Variants in FAM20B observed in about 807,000 individuals in gnomAD.
FAM20B encodes the protein FAM20B glycosaminoglycan xylosylkinase, also known as glycosaminoglycan xylosylkinase.
FAM20B carries 23 observed loss-of-function variants against 43.8 expected under a neutral mutation model. The ratio of observed to expected loss-of-function variants is 0.53; its 90% CI spans 0.38 to 0.74. The LOEUF (loss-of-function observed/expected upper bound fraction) is 0.74. Ranked by LOEUF, FAM20B falls within the 30% of genes least tolerant of loss-of-function variation. The pLI, the probability that FAM20B is intolerant of heterozygous loss-of-function variation, is 0.00. For synonymous variants in FAM20B, 178 were observed against 192.4 expected, an observed-to-expected ratio of 0.93 and a Z score of 0.62; for missense variants, 440 against 510.5, an observed-to-expected ratio of 0.86 and a Z score of 1.33.
chr1:179,060,611 T>C (rs1651422017), intron 4 of FAM20B, among the ~76,000 whole-genome samples: 1 of 152,082 alleles, frequency 6.6e-6, no homozygotes, highest in South Asian at 2.1e-4. Flanking sequence ...AGTTTCATCC[T>C]GAAACCATTC....
chr1:179,031,380 C>T (rs972003145), intron 1 of FAM20B, among the ~76,000 whole-genome samples: 5 of 152,130 alleles, frequency 3.3e-5, no homozygotes, highest in Admixed American at 6.5e-5. Flanking sequence ...GAACAGAACT[C>T]GCTAGCAGTA....
intron 1 of FAM20B, among the ~76,000 whole-genome samples, chr1:179,038,067 C>G (rs550655519): frequency 1.3e-5 from 2 of 151,840 alleles, no homozygotes; most frequent in Non-Finnish European, 1.5e-5. Flanking sequence ...TTATATAGCA[C>G]GAGGGGGAGG....
rs1328707678 is a variant in FAM20B at position 179,043,955 on chromosome 1, G to A, written c.108G>A (p.Glu36=). The change falls in exon 2 of 8, where the codon GAG becomes GAA. Residue 36 remains glutamate (E), a synonymous_variant. Coordinates refer to ENST00000263733, the MANE Select transcript of FAM20B (RefSeq NM_014864.4). ...TAGATACATCAGCTGCCAACCGGGA[G>A]GACCAGAGGGCCTTTCACCGAATGA... is the stretch of plus-strand genomic sequence containing the variant. The part of the protein sequence containing the change: ...DNLDTSAANR[E]DQRAFHRMMT... 1 of 1,614,128 alleles carries A rather than the reference G, an allele frequency of 6.2e-7. No individual in the cohort carries two copies.
In FAM20B at chr1:179,073,327, T is replaced by C. The variant is rs1338719170; in HGVS notation, c.*1183T>C. Reference sequence around the variant, plus strand: ...CTTCTTCTTTTTTTCTTTTTTCTTTTTTTTTTGAGACCAAGTCTCACTCTG... The same window carrying C: ...CTTCTTCTTTTTTTCTTTTTTCTTTCTTTTTTGAGACCAAGTCTCACTCTG... On this transcript the variant is annotated 3_prime_UTR_variant, in exon 8 of 8. Transcript: ENST00000263733. The C allele has an allele frequency of 6.6e-6, 1 of 152,258 alleles. No homozygotes were observed. Among genetic ancestry groups the C allele is most frequent in the Admixed American group, 6.5e-5 (1 of 15,278 alleles). The allele number at this position is 152,258 out of a possible 1,614,324, so 9.4% of individuals were successfully genotyped here.
chr1:179,030,301 G>A (rs935494155), intron 1 of FAM20B, among the ~76,000 whole-genome samples: 2 of 150,806 alleles, frequency 1.3e-5, no homozygotes, highest in African/African-American at 4.9e-5. Context: ...GTAGTTTTCT[G>A]TAAAAAAAAA....
intron 3 of FAM20B, among the ~76,000 whole-genome samples, chr1:179,050,731 G>A (rs373697668): frequency 6.6e-6 from 1 of 152,182 alleles, no homozygotes; most frequent in African/African-American, 2.4e-5. Flanking sequence ...AGTAAGTAAT[G>A]CTGACTTATT....
At chr1:179,033,834 A>T (rs4652347) in intron 1 of FAM20B, among the ~76,000 whole-genome samples, 2 of 151,946 alleles carry the variant, frequency 1.3e-5, no homozygotes, top group South Asian at 2.1e-4. Flanking sequence ...CTGGGACTAC[A>T]GGCATGTGCC....
intron 4 of FAM20B, among the ~76,000 whole-genome samples, chr1:179,063,249 C>T (rs1260969949): frequency 6.6e-6 from 1 of 151,924 alleles, no homozygotes; most frequent in Non-Finnish European, 1.5e-5. Context: ...TGCACTCTAG[C>T]CTGGGCGACA....
At chr1:179,023,358 A>C (rs548294044), upstream of FAM20B, among the ~76,000 whole-genome samples, 1 of 152,360 alleles carries the variant, frequency 6.6e-6, no homozygotes, top group East Asian at 1.9e-4. Context: ...GTATGTCTTT[A>C]AAAATCCTTG....
At chr1:179,064,778 C>T (rs764678429) in intron 6 of FAM20B, among the ~76,000 whole-genome samples, 8 of 152,150 alleles carry the variant, frequency 5.3e-5, no homozygotes, top group Admixed American at 6.5e-5. Context: ...CTACCTACAT[C>T]GTTCTTTCTT....
At chr1:179,066,421 G>A (rs1475481806) in intron 6 of FAM20B, among the ~76,000 whole-genome samples, 1 of 151,938 alleles carries the variant, frequency 6.6e-6, no homozygotes, top group Non-Finnish European at 1.5e-5. Context: ...TTGTTTGTGG[G>A]AATCTAATAT....
intron 4 of FAM20B, among the ~76,000 whole-genome samples, chr1:179,057,683 T>A (rs1476571371): frequency 6.6e-6 from 1 of 152,234 alleles, no homozygotes; most frequent in Non-Finnish European, 1.5e-5. Flanking sequence ...TTATAGTCTT[T>A]ATTTATTCAG....
intron 1 of FAM20B, among the ~76,000 whole-genome samples, chr1:179,036,814 G>C (rs543797753): frequency 2.0e-5 from 3 of 152,172 alleles, no homozygotes; most frequent in Admixed American, 6.5e-5. Flanking sequence ...CGAAAGGAGG[G>C]AGAAGTTACT....
At chr1:179,044,295 T>G (rs892581693) in intron 2 of FAM20B, 71 bp downstream of exon 2, 6 of 1,489,506 alleles carry the variant, frequency 4.0e-6, no homozygotes, top group Non-Finnish European at 4.5e-6. Flanking sequence ...ATATAAGATT[T>G]ATTTTGTCAT....
intron 1 of FAM20B, among the ~76,000 whole-genome samples, chr1:179,027,758 T>C (rs1204865467): frequency 6.6e-6 from 1 of 152,268 alleles, no homozygotes; most frequent in Non-Finnish European, 1.5e-5. Context: ...TGGTATGCTC[T>C]ATTCGTTTCT....
At chr1:179,021,192 T>C (rs896541366), upstream of FAM20B, among the ~76,000 whole-genome samples, 5 of 152,206 alleles carry the variant, frequency 3.3e-5, no homozygotes, top group Non-Finnish European at 7.3e-5. Context: ...TATCCATCGA[T>C]GGTAGAAGCT....
intron 3 of FAM20B, 36 bp from the exon 4 acceptor site, chr1:179,054,493 G>T: frequency 7.3e-7 from 1 of 1,360,708 alleles, no homozygotes; most frequent in Non-Finnish European, 1.0e-6. Flanking sequence ...CATCCCCTAA[G>T]ATTTTTCTCT....
At chr1:179,041,712 A>AGAGGGAGAG in intron 1 of FAM20B, among the ~76,000 whole-genome samples, 1 of 127,498 alleles carries the variant, frequency 7.8e-6, no homozygotes, top group African/African-American at 3.8e-5. Flanking sequence ...GGAGGGAGAC[A>AGAGGGAGAG]GGAGACGGGA....
At chr1:179,035,778 C>G (rs752503903) in intron 1 of FAM20B, 1 of 253,056 alleles carries the variant, frequency 4.0e-6, no homozygotes, top group Non-Finnish European at 7.7e-6. Flanking sequence ...TGCCCTTATA[C>G]AATATTTATC....
Sources: allele counts gnomAD v4.1 joint callset (sites outside exome capture counted in the v4.1 genomes callset), GRCh38; gene constraint gnomAD v4.1.1; transcripts MANE v1.5; gene names NCBI Gene and HGNC (gene_info 2026-07-23, HGNC 2026-07-21).